Variants in CD37 observed in about 807,000 individuals in gnomAD.
The protein encoded by CD37 is leukocyte antigen CD37.
A neutral mutation model predicts 38.9 loss-of-function variants in CD37; 37 were observed. The observed-to-expected ratio is 0.95, with a 90% CI of 0.73 to 1.25. The LOEUF (loss-of-function observed/expected upper bound fraction) is 1.25, where lower values mean the gene tolerates loss of function less well. CD37 is among the 50% of genes most tolerant of loss of function. The pLI is 0.00. For synonymous variants in CD37, 146 were observed against 150.1 expected (o/e 0.97, Z 0.20); for missense variants, 351 against 360.1 (o/e 0.97, Z 0.20).
chr19:49,337,662 A>G, intron 4 of CD37: 2 of 1,520,238 alleles, frequency 1.3e-6, no homozygotes, highest in Non-Finnish European at 1.8e-6. Flanking sequence ...AGACAGGCAT[A>G]AACAGCTCCA....
intron 4 of CD37, 134 bp downstream of exon 4, chr19:49,337,355 C>A: frequency 2.2e-6 from 2 of 905,528 alleles, no homozygotes; most frequent in Non-Finnish European, 3.5e-6. Context: ...AGAGGCTGGG[C>A]CTGGTGGCTC....
In CD37 at chr19:49,338,707, G is replaced by A. The variant is rs748361655; in HGVS notation, c.455G>A (p.Cys152Tyr). The A allele has an allele frequency of 2.5e-6, 4 of 1,609,620 alleles. No individual in the cohort carries two copies. Among genetic ancestry groups the A allele is most frequent in the Non-Finnish European group, 3.4e-6 (4 of 1,178,206 alleles). ...CTCGTATCCCTCTCCCAGCTGCGCT[G>A]CTGCGGCTGGCACTACCCGCAGGAC... is the stretch of plus-strand genomic sequence containing the variant. ...SWDYVQFQLR[C>Y]CGWHYPQDWF... Residue 152 changes from cysteine to tyrosine, a missense_variant, in exon 6 of 8, where the codon TGC (cysteine) becomes TAC (tyrosine). Transcript: ENST00000323906. The surrounding 1 kb of genome is among the most constrained non-coding windows in gnomAD (Gnocchi z 5.0).
Position 49,339,570 on chromosome 19 carries a change from G to A in CD37, c.768+157G>A, listed in dbSNP as rs538445195. On this transcript the variant is annotated intron_variant, in intron 7 of 7. Transcript: ENST00000323906. This position sits in a 1 kb window ranked among gnomAD's most constrained non-coding sequence, Gnocchi z 4.5. ...GCTCCACCCAGCACCGGAGGGTGGG[G>A]GCGGCCCAGCTTCAGGGAGCCCTGA... The A allele has an allele frequency of 3.4e-4, 495 of 1,456,844 alleles. 8 individuals carry two copies. The South Asian group carries it at 4.7e-3, about 14-fold the overall frequency. 90.2% of individuals were successfully genotyped at this position (1,456,844 alleles called of 1,614,324 possible). A position where few individuals can be genotyped will look rare whatever the true frequency, so the allele number is the denominator to read the frequency against.
In CD37 at chr19:49,340,447, C is replaced by T. The variant is rs1389242207; in HGVS notation, c.*119C>T. ...TGGAGCCCTCCGCCTTCACATTCCC[C>T]TGGGGACCCACGTGGCTGCGTGCCC... On this transcript the variant is annotated 3_prime_UTR_variant, in exon 8 of 8. Coordinates refer to ENST00000323906, the MANE Select transcript of CD37 (RefSeq NM_001774.3). 1 of 762,322 alleles carries T rather than the reference C, an allele frequency of 1.3e-6. No individual in the cohort carries two copies. Among genetic ancestry groups the T allele is most frequent in the Non-Finnish European group, 2.3e-6 (1 of 437,332 alleles). 47.2% of individuals were successfully genotyped at this position (762,322 alleles called of 1,614,324 possible). A position where few individuals can be genotyped will look rare whatever the true frequency, so the allele number is the denominator to read the frequency against.
At chr19:49,337,278 T>A in intron 4 of CD37, 57 bp downstream of exon 4, 1 of 1,529,022 alleles carries the variant, frequency 6.5e-7, no homozygotes, top group Non-Finnish European at 9.0e-7. Context: ...GGGAAGGGAG[T>A]GGTGGGAGAG....
In CD37 at chr19:49,338,140, C is replaced by T; in HGVS notation, c.447+111C>T. The T allele has an allele frequency of 6.7e-7, 1 of 1,485,520 alleles. No homozygotes were observed. The highest frequency in any genetic ancestry group is 1.3e-5 in the South Asian group (1 of 74,262). The allele number at this position is 1,485,520 out of a possible 1,614,324, so 92.0% of individuals were successfully genotyped here. A position where few individuals can be genotyped will look rare whatever the true frequency, so the allele number is the denominator to read the frequency against. ...CCCCCAGCTCTACGATCCTAACACA[C>T]CCCAATCCCTCCCAGGCCCGACGCT... On this transcript the variant is annotated intron_variant, in intron 5 of 7. Transcript: ENST00000323906. The surrounding 1 kb of genome is among the most constrained non-coding windows in gnomAD (Gnocchi z 5.0).
chr19:49,337,141 C>G lies in CD37; in HGVS notation c.268-6C>G. On this transcript the variant is annotated splice_polypyrimidine_tract_variant and splice_region_variant and intron_variant, in intron 3 of 7. Transcript: ENST00000323906. ...GTCAGCCTGATCTCTCCACTCTGCT[C>G]CCCAGTATTTTGGGATGCTGCTGCT... The G allele has an allele frequency of 1.2e-6, 2 of 1,614,142 alleles. No homozygotes were observed. Among genetic ancestry groups the G allele is most frequent in the South Asian group, 2.2e-5 (2 of 91,080 alleles).
Position 49,335,793 on chromosome 19 carries a change from G to C in CD37, c.142+7G>C. 1 of 1,609,226 alleles carries C rather than the reference G, an allele frequency of 6.2e-7. No individual in the cohort carries two copies. Among genetic ancestry groups the C allele is most frequent in the East Asian group, 2.2e-5 (1 of 44,838 alleles). ...AGCTTCGTGTCCTTTGTGGGTGAGG[G>C]GGGCTGGGGCAGGTGGGAGGGCCTC... On this transcript the variant is annotated splice_region_variant and intron_variant, in intron 2 of 7. Coordinates refer to ENST00000323906, the MANE Select transcript of CD37 (RefSeq NM_001774.3). The surrounding 1 kb of genome is among the most constrained non-coding windows in gnomAD (Gnocchi z 4.6).
rs1600687064 is a variant in CD37, at chr19:49,340,462, G to C, written c.*134G>C. On this transcript the variant is annotated 3_prime_UTR_variant, in exon 8 of 8. Transcript: ENST00000323906. ...TCACATTCCCCTGGGGACCCACGTG[G>C]CTGCGTGCCCCTGCTGCTGTCACCT... 1 of 709,954 alleles carries C rather than the reference G, an allele frequency of 1.4e-6. No individual in the cohort carries two copies. The highest frequency in any genetic ancestry group is 2.7e-5 in the East Asian group (1 of 37,560). 44.0% of individuals were successfully genotyped at this position (709,954 alleles called of 1,614,324 possible). A position where few individuals can be genotyped will look rare whatever the true frequency, so the allele number is the denominator to read the frequency against.
At chr19:49,340,069 G>A in intron 7 of CD37, 182 bp from the exon 8 acceptor site, 1 of 1,519,798 alleles carries the variant, frequency 6.6e-7, no homozygotes, top group Non-Finnish European at 8.8e-7. Flanking sequence ...AGCTATTCCC[G>A]CCTCATCAGC....
In CD37 at chr19:49,337,523, G is replaced by C. The variant is rs971317226; in HGVS notation, c.342+302G>C. 10 of 789,472 alleles carry C rather than the reference G, an allele frequency of 1.3e-5. No homozygotes were observed. The African/African-American group carries it at 1.6e-4, about 13-fold the overall frequency. 48.9% of individuals were successfully genotyped at this position (789,472 alleles called of 1,614,324 possible). ...TGGGGTCCCAGCTACTTGGGAGGTC[G>C]AGGTGGGAGGATCACTTGAGCCAGG... On this transcript the variant is annotated intron_variant, in intron 4 of 7. Transcript: ENST00000323906.
At position 49,338,100 on chromosome 19, in the gene CD37, C is replaced by T. The variant is rs1290133503; in HGVS notation, c.447+71C>T. The stretch of plus-strand genomic sequence containing the variant: ...CCCTGTGCTTGGAGGAGACTCCACC[C>T]CAACGTGGGCCCGACCCCCAGCTCT... On this transcript the variant is annotated intron_variant, in intron 5 of 7. Transcript: ENST00000323906. This position sits in a 1 kb window ranked among gnomAD's most constrained non-coding sequence, Gnocchi z 5.0. 3 of 1,563,848 alleles carry T rather than the reference C, an allele frequency of 1.9e-6. No homozygotes were observed. Among genetic ancestry groups the T allele is most frequent in the African/African-American group, 2.7e-5 (2 of 73,530 alleles).
Position 49,338,700 on chromosome 19 carries a change from C to G in CD37, c.448C>G (p.Leu150Val), listed in dbSNP as rs771986204. ...EESWDYVQFQ[L>V]RCCGWHYPQD... ...CCTCTGACTCGTATCCCTCTCCCAG[C>G]TGCGCTGCTGCGGCTGGCACTACCC... is the stretch of plus-strand genomic sequence containing the variant. Residue 150 changes from leucine (L) to valine (V), a missense_variant and splice_region_variant, in exon 6 of 8, where the codon CTG (leucine) becomes GTG (valine). Leu to Val is a conservative substitution (Grantham distance 32). Transcript: ENST00000323906. This position sits in a 1 kb window ranked among gnomAD's most constrained non-coding sequence, Gnocchi z 5.0. 2.5e-6 allele frequency: 4 copies of G among 1,608,402 alleles called. No homozygotes were observed. The highest frequency in any genetic ancestry group is 2.7e-5 in the African/African-American group (2 of 74,874).
Position 49,338,257 on chromosome 19 carries a change from C to A in CD37, c.447+228C>A. On this transcript the variant is annotated intron_variant, in intron 5 of 7. Coordinates refer to ENST00000323906, the MANE Select transcript of CD37 (RefSeq NM_001774.3). The surrounding 1 kb of genome is among the most constrained non-coding windows in gnomAD (Gnocchi z 5.0). ...TGGCTTCGCCATCTACCTCGAGAGA[C>A]TCCGCCCCCGCCCCCGCCCCGACCA... 1.5e-6 allele frequency: 2 copies of A among 1,312,148 alleles called. No individual in the cohort carries two copies. Among genetic ancestry groups the A allele is most frequent in the African/African-American group, 1.5e-5 (1 of 66,934 alleles). The allele number at this position is 1,312,148 out of a possible 1,614,324, so 81.3% of individuals were successfully genotyped here. A position where few individuals can be genotyped will look rare whatever the true frequency, so the allele number is the denominator to read the frequency against.
intron 7 of CD37, 145 bp from the exon 8 acceptor site, chr19:49,340,106 C>T: frequency 1.3e-6 from 2 of 1,539,280 alleles, no homozygotes; most frequent in South Asian, 2.4e-5. Flanking sequence ...CCCGTCGAGC[C>T]CCGCCCTTTT....
intron 4 of CD37, 32 bp from the exon 5 acceptor site, chr19:49,337,893 G>A: frequency 6.2e-7 from 1 of 1,613,236 alleles, no homozygotes; most frequent in East Asian, 2.2e-5. Context: ...GGGCGGGGAA[G>A]ATAAGGCCCA....
chr19:49,335,470 TTCTCCCTG>T lies in CD37; in HGVS notation c.-64_-57del, dbSNP rs767744349. 199 of 1,078,356 alleles carry T rather than the reference TTCTCCCTG, an allele frequency of 1.8e-4. No homozygotes were observed. Among genetic ancestry groups the T allele is most frequent in the Non-Finnish European group, 2.7e-4 (188 of 698,096 alleles). 66.8% of individuals were successfully genotyped at this position (1,078,356 alleles called of 1,614,324 possible). ...TCTCTTTCTCTCTCAGCCTCTTTCT[TTCTCCCTG>T]TCTCCCCCACTGTCAGCACCTCTTC... is the stretch of plus-strand genomic sequence containing the variant. On this transcript the variant is annotated 5_prime_UTR_variant, in exon 1 of 8. Transcript: ENST00000323906. This position sits in a 1 kb window ranked among gnomAD's most constrained non-coding sequence, Gnocchi z 4.6.
Position 49,338,075 on chromosome 19 carries a change from C to A in CD37, c.447+46C>A. ...TCCCTCCCGGACTGACCCGCCTCAGCCCTGTGCTTGGAGGAGACTCCACCC... is the reference window on the plus strand; with the variant it reads ...TCCCTCCCGGACTGACCCGCCTCAGACCTGTGCTTGGAGGAGACTCCACCC... On this transcript the variant is annotated intron_variant, in intron 5 of 7. Transcript: ENST00000323906. This position sits in a 1 kb window ranked among gnomAD's most constrained non-coding sequence, Gnocchi z 5.0. 6.2e-7 allele frequency: 1 copy of A among 1,601,090 alleles called. No homozygotes were observed. Among genetic ancestry groups the A allele is most frequent in the Middle Eastern group, 1.7e-4 (1 of 6,016 alleles).
Position 49,339,472 on chromosome 19 carries a change from T to G in CD37, c.768+59T>G. ...CTAAATCCCTAGATGGCCCTGCCCT[T>G]CATTTCGCGTCCTTCGGTTGCCTGG... On this transcript the variant is annotated intron_variant, in intron 7 of 7. Transcript: ENST00000323906. This position sits in a 1 kb window ranked among gnomAD's most constrained non-coding sequence, Gnocchi z 4.5. The G allele has an allele frequency of 3.2e-6, 5 of 1,565,372 alleles. No individual in the cohort carries two copies. The highest frequency in any genetic ancestry group is 4.4e-6 in the Non-Finnish European group (5 of 1,142,860).
Sources: gnomAD v4.1 joint callset for allele counts on GRCh38, gnomAD v4.1.1 for gene constraint, Gnocchi (gnomAD v3.1) non-coding constraint, MANE v1.5 for transcripts, NCBI Gene and HGNC (gene_info 2026-07-23, HGNC 2026-07-21) for gene names.